CTNND2: variants seen among roughly 807,000 people sequenced by gnomAD.
CTNND2 encodes the protein catenin delta-2.
Under a neutral mutation model 144.4 loss-of-function variants are expected in CTNND2, and 22 were observed. That is an observed-to-expected ratio of 0.15 (90% CI 0.11 to 0.22). The LOEUF (loss-of-function observed/expected upper bound fraction) is 0.22, where lower values mean the gene tolerates loss of function less well. Among genes scored for constraint, CTNND2 ranks in the 10% least tolerant of loss-of-function variants. CTNND2 has a pLI of 1.00. For missense variants in CTNND2, 1,353 were observed against 1,618.8 expected (o/e 0.84, Z 2.82); for synonymous variants, 751 against 695.6 (o/e 1.08, Z -1.25).
chr5:11,900,785 C>T (rs1421182174), intron 1 of CTNND2, among the ~76,000 whole-genome samples: 1 of 152,198 alleles, frequency 6.6e-6, no homozygotes, highest in South Asian at 2.1e-4. Context: ...AAGAACCACA[C>T]CTTCAGCTGA....
At chr5:11,854,142 G>A (rs748980264) in intron 1 of CTNND2, among the ~76,000 whole-genome samples, 16 of 152,166 alleles carry the variant, frequency 1.1e-4, no homozygotes, top group African/African-American at 1.7e-4. Context: ...ACACTGCCAC[G>A]GGTGGCCCGT....
rs758440307 is a variant in CTNND2 at position 11,292,332 on chromosome 5, C to A, written c.1628+54040G>T. Among the ~76,000 whole-genome samples the A allele has an allele frequency of 2.6e-5, 4 of 152,014 alleles. No individual in the cohort carries two copies. The South Asian group carries it at 6.2e-4, about 24-fold the overall frequency. On this transcript the variant is annotated intron_variant, in intron 9 of 21. Transcript: ENST00000304623. ...TGAGGTCATACTGGAGTAGGGTGGG[C>A]CCCCAATCCAATATTACTGGCTGGA...
intron 1 of CTNND2, among the ~76,000 whole-genome samples, chr5:11,887,085 T>G (rs959916720): frequency 1.7e-4 from 25 of 144,242 alleles, no homozygotes; most frequent in Admixed American, 1.4e-3. Flanking sequence ...CCGGGTTCAC[T>G]CCATTCTTCT....
intron 1 of CTNND2, among the ~76,000 whole-genome samples, chr5:11,890,146 T>G (rs2127095009): frequency 6.6e-6 from 1 of 152,322 alleles, no homozygotes; most frequent in Admixed American, 6.5e-5. Context: ...TTTCCTGCAG[T>G]TCACAGTCCA....
chr5:11,484,906 C>G (rs192793457), intron 3 of CTNND2, among the ~76,000 whole-genome samples: 87 of 152,196 alleles, frequency 5.7e-4, no homozygotes, highest in Admixed American at 2.1e-3. Context: ...GGTGGGCCTG[C>G]CAAAACTTTC....
chr5:11,339,373 G>A (rs1265676435), intron 9 of CTNND2, among the ~76,000 whole-genome samples: 2 of 152,062 alleles, frequency 1.3e-5, no homozygotes, highest in Non-Finnish European at 2.9e-5. Context: ...GGGGAAATAA[G>A]GCAGATGTGA....
intron 9 of CTNND2, among the ~76,000 whole-genome samples, chr5:11,247,516 C>T (rs1224577906): frequency 6.6e-6 from 1 of 152,160 alleles, no homozygotes. Context: ...CAAGTTTTCT[C>T]CTGGCTGGTA....
At chr5:11,901,035 T>G (rs1737834994) in intron 1 of CTNND2, among the ~76,000 whole-genome samples, 2 of 152,178 alleles carry the variant, frequency 1.3e-5, no homozygotes, top group Non-Finnish European at 2.9e-5. Flanking sequence ...AAGAAAACAT[T>G]GGAAGTTCAA....
At chr5:11,389,512 G>T (rs1759429446) in intron 6 of CTNND2, among the ~76,000 whole-genome samples, 1 of 152,044 alleles carries the variant, frequency 6.6e-6, no homozygotes, top group African/African-American at 2.4e-5. Context: ...GTACTTAGTG[G>T]TATATTGAGG....
At chr5:11,882,068 TATTATC>T (rs2127077197) in intron 1 of CTNND2, among the ~76,000 whole-genome samples, 1 of 152,216 alleles carries the variant, frequency 6.6e-6, no homozygotes, top group East Asian at 1.9e-4. Context: ...GGATTATTAT[TATTATC>T]ATTATAACTG....
intron 16 of CTNND2, among the ~76,000 whole-genome samples, chr5:11,044,768 C>G (rs1745060439): frequency 6.6e-6 from 1 of 152,236 alleles, no homozygotes; most frequent in Non-Finnish European, 1.5e-5. Context: ...TGGTGGTGCT[C>G]AAAGGAAACT....
At chr5:11,587,677 CTAT>C (rs1193221075) in intron 2 of CTNND2, among the ~76,000 whole-genome samples, 2 of 151,966 alleles carry the variant, frequency 1.3e-5, no homozygotes, top group Non-Finnish European at 2.9e-5. Flanking sequence ...TTTTGTATCA[CTAT>C]TATTATTCAT....
intron 1 of CTNND2, among the ~76,000 whole-genome samples, chr5:11,740,135 A>G (rs558046156): frequency 6.6e-6 from 1 of 152,326 alleles, no homozygotes; most frequent in South Asian, 2.1e-4. Flanking sequence ...TATAGATTCA[A>G]TGCCCTCCCC....
At chr5:10,981,039 T>C (rs964048670) in intron 21 of CTNND2, among the ~76,000 whole-genome samples, 2 of 152,054 alleles carry the variant, frequency 1.3e-5, no homozygotes, top group African/African-American at 4.8e-5. Context: ...ACTTAAAGTA[T>C]AATAATAAAA....
At chr5:11,240,725 ACT>A (rs1742293373) in intron 9 of CTNND2, among the ~76,000 whole-genome samples, 1 of 141,364 alleles carries the variant, frequency 7.1e-6, no homozygotes, top group African/African-American at 2.7e-5. Flanking sequence ...CAAAACACAC[ACT>A]CAGCACACAC....
At chr5:11,633,402 G>A (rs995137999) in intron 2 of CTNND2, among the ~76,000 whole-genome samples, 4 of 152,134 alleles carry the variant, frequency 2.6e-5, no homozygotes, top group African/African-American at 9.7e-5. Flanking sequence ...AAGAAAAAAT[G>A]AGAAAATTGA....
chr5:11,270,751 C>T (rs996795044), intron 9 of CTNND2, among the ~76,000 whole-genome samples: 2 of 152,138 alleles, frequency 1.3e-5, no homozygotes, highest in South Asian at 2.1e-4. Flanking sequence ...TGGATTACTG[C>T]AACCCAATCT....
intron 2 of CTNND2, among the ~76,000 whole-genome samples, chr5:11,722,487 T>A (rs1786743735): frequency 6.6e-6 from 1 of 152,192 alleles, no homozygotes. Flanking sequence ...ACTGTATAAG[T>A]CCATTCTCAT....
chr5:11,177,398 A>T (rs1307618056), intron 11 of CTNND2, among the ~76,000 whole-genome samples: 1 of 152,204 alleles, frequency 6.6e-6, no homozygotes. Context: ...AACACTGTCT[A>T]TAGTCAGGAC....
Sources: gnomAD v4.1 joint callset for allele counts (sites outside exome capture counted in the v4.1 genomes callset) on GRCh38, gnomAD v4.1.1 for gene constraint, MANE v1.5 for transcripts, NCBI Gene and HGNC (gene_info 2026-07-23, HGNC 2026-07-21) for gene names.